MCF2L: variants seen among roughly 807,000 people sequenced by gnomAD.
MCF2L encodes the protein guanine nucleotide exchange factor DBS.
A neutral mutation model predicts 153.4 loss-of-function variants in MCF2L; 97 were observed. That is an observed-to-expected ratio of 0.63 (90% CI 0.54 to 0.75). The LOEUF (loss-of-function observed/expected upper bound fraction) is 0.75, where lower values mean the gene tolerates loss of function less well. Ranked by LOEUF, MCF2L falls within the 30% of genes least tolerant of loss-of-function variation. The pLI, the probability that MCF2L is intolerant of heterozygous loss-of-function variation, is 0.00. For missense variants in MCF2L, 1,347 were observed against 1,495.2 expected, an observed-to-expected ratio of 0.90 and a Z score of 1.64; for synonymous variants, 659 against 632.2, an observed-to-expected ratio of 1.04 and a Z score of -0.64.
intron 1 of MCF2L, chr13:112,979,573 G>T (rs572057884): frequency 1.5e-5 from 23 of 1,580,908 alleles, no homozygotes; most frequent in Admixed American, 3.6e-5. Flanking sequence ...AGACCCGAAG[G>T]CTGTGGCTCT....
chr13:113,029,093 C>T (rs1423610312), intron 3 of MCF2L, among the ~76,000 whole-genome samples: 1 of 152,138 alleles, frequency 6.6e-6, no homozygotes, highest in Non-Finnish European at 1.5e-5. Flanking sequence ...CCCTTTCTAT[C>T]TGGAAATAAA....
intron 4 of MCF2L, among the ~76,000 whole-genome samples, chr13:113,050,452 C>T (rs2087163250): frequency 6.6e-6 from 1 of 151,444 alleles, no homozygotes; most frequent in Non-Finnish European, 1.5e-5. Flanking sequence ...TGCATGGGGC[C>T]ACAACTCTCT....
At chr13:113,095,807 T>TC in intron 27 of MCF2L, 1 of 998,452 alleles carries the variant, frequency 1.0e-6, no homozygotes, top group Non-Finnish European at 1.2e-6. Flanking sequence ...GGGTCCCCAT[T>TC]CCCCAACGGA....
intron 3 of MCF2L, chr13:113,026,870 G>A (rs376704623): frequency 1.1e-5 from 8 of 738,566 alleles, no homozygotes; most frequent in South Asian, 2.9e-5. Flanking sequence ...TCTCCCCAGC[G>A]GCGGGCAGGA....
In MCF2L at chr13:113,031,396, G is replaced by A. The variant is rs553389036; in HGVS notation, c.278+6638G>A. Among the ~76,000 whole-genome samples the A allele has an allele frequency of 3.3e-5, 5 of 152,314 alleles. No individual in the cohort carries two copies. The highest frequency in any genetic ancestry group is 1.9e-4 in the East Asian group (1 of 5,178). ...TTCGTCACAGAGATCCCAGGAGGGC[G>A]CCAGCGGCATCTTTGGGGGCAGCGA... is the stretch of plus-strand genomic sequence containing the variant. On this transcript the variant is annotated intron_variant, in intron 3 of 29. Transcript: ENST00000535094. This position sits in a 1 kb window ranked among gnomAD's most constrained non-coding sequence, Gnocchi z 5.5.
chr13:112,913,080 TTGTG>T (rs1226067255), intron 2 of MCF2L, among the ~76,000 whole-genome samples: 4 of 148,024 alleles, frequency 2.7e-5, no homozygotes, highest in East Asian at 2.0e-4. Context: ...GTCTGTGTGA[TTGTG>T]TGTGTGTGGT....
rs200182047 is a variant in MCF2L, at chr13:113,082,556, C to T, written c.1991+14C>T. ...CTTCCACAACAGGTGGGCCCTTCCC[C>T]CCGACACAGGCACGCACCCGTGATC... On this transcript the variant is annotated intron_variant, in intron 17 of 29. Transcript: ENST00000535094. 6.4e-7 allele frequency: 1 copy of T among 1,550,620 alleles called. No individual in the cohort carries two copies. The highest frequency in any genetic ancestry group is 2.3e-5 in the East Asian group (1 of 44,422).
At chr13:112,984,885 A>G (rs980038636) in intron 1 of MCF2L, among the ~76,000 whole-genome samples, 2 of 151,958 alleles carry the variant, frequency 1.3e-5, no homozygotes, top group East Asian at 1.9e-4. Flanking sequence ...CATCCCTCCA[A>G]TTGCCAGTGG....
Position 112,960,076 on chromosome 13 carries a change from C to T in MCF2L, c.170-54687C>T, listed in dbSNP as rs143485566. ...CAGGGCAGAGGCCTTCTGTCCCGGA[C>T]GCCTGCCCTCAGGGGCTGTGTCTTT... On this transcript the variant is annotated intron_variant, in intron 2 of 29. Transcript: ENST00000375608. The surrounding 1 kb of genome is among the most constrained non-coding windows in gnomAD (Gnocchi z 4.2). 1.6e-4 allele frequency among the ~76,000 whole-genome samples: 24 copies of T among 152,348 alleles called. 1 individual carries two copies. The East Asian group carries it at 2.7e-3, about 17-fold the overall frequency.
At chr13:113,009,296 G>A (rs918565484) in intron 1 of MCF2L, 3 of 152,224 alleles carry the variant, frequency 2.0e-5, no homozygotes, top group Non-Finnish European at 4.4e-5. Flanking sequence ...AATGTGTAAA[G>A]GTTAAGCTTT....
At chr13:113,023,096 CG>C (rs2084998000) in intron 2 of MCF2L, among the ~76,000 whole-genome samples, 1 of 152,184 alleles carries the variant, frequency 6.6e-6, no homozygotes, top group African/African-American at 2.4e-5. Flanking sequence ...TGCAGCATTG[CG>C]GGGACTGAGC....
Position 112,983,040 on chromosome 13 carries a change from T to A in MCF2L, c.79+13582T>A, listed in dbSNP as rs139608423. Among the ~76,000 whole-genome samples, 2 of 151,964 alleles carry A rather than the reference T, an allele frequency of 1.3e-5. 1 individual carries two copies. Among genetic ancestry groups the A allele is most frequent in the East Asian group, 3.9e-4 (2 of 5,146 alleles). On this transcript the variant is annotated intron_variant, in intron 1 of 29. Coordinates refer to ENST00000535094, the MANE Select transcript of MCF2L (RefSeq NM_001112732.3). The surrounding 1 kb of genome is among the most constrained non-coding windows in gnomAD (Gnocchi z 4.0). ...GGAGGTTGGGGAAAGCACTTCCTGATGCCTTTGGGTGTGGAAAGTGGTGGG... is the reference window on the plus strand; with the variant it reads ...GGAGGTTGGGGAAAGCACTTCCTGAAGCCTTTGGGTGTGGAAAGTGGTGGG...
intron 2 of MCF2L, among the ~76,000 whole-genome samples, chr13:112,940,030 G>A (rs1443852556): frequency 6.6e-6 from 1 of 151,900 alleles, no homozygotes; most frequent in Non-Finnish European, 1.5e-5. Context: ...TTGCAGCTGG[G>A]GGTGGTGATT....
At chr13:112,978,006 G>A (rs1379805820) in intron 1 of MCF2L, among the ~76,000 whole-genome samples, 1 of 152,184 alleles carries the variant, frequency 6.6e-6, no homozygotes, top group Non-Finnish European at 1.5e-5. Flanking sequence ...CCCAGGAGGT[G>A]GAGGTTGCAG....
In MCF2L at chr13:113,088,555, C is replaced by G. The variant is rs1217398098; in HGVS notation, c.2768-7C>G. 2 of 1,611,246 alleles carry G rather than the reference C, an allele frequency of 1.2e-6. No individual in the cohort carries two copies. Among genetic ancestry groups the G allele is most frequent in the East Asian group, 4.5e-5 (2 of 44,852 alleles). On this transcript the variant is annotated splice_polypyrimidine_tract_variant and splice_region_variant and intron_variant, in intron 24 of 29. Transcript: ENST00000535094. ...GTTCACGTGGTTTGTCTGCTCCCTC[C>G]TCGCAGAAGCCAGCCAGCACCGGGC...
At chr13:112,921,457 A>G (rs974848345) in intron 2 of MCF2L, among the ~76,000 whole-genome samples, 2 of 152,214 alleles carry the variant, frequency 1.3e-5, no homozygotes, top group Admixed American at 6.5e-5. Context: ...ATCAGAGTCT[A>G]TAGGATTTGT....
At chr13:112,961,431 G>A (rs748353147) in intron 2 of MCF2L, among the ~76,000 whole-genome samples, 7 of 152,328 alleles carry the variant, frequency 4.6e-5, no homozygotes, top group East Asian at 1.9e-4. Flanking sequence ...AGGGGTAATC[G>A]TGCAGCAGGG....
chr13:113,053,260 GC>G lies in MCF2L; in HGVS notation c.370-7328del, dbSNP rs1404329997. 6.6e-6 allele frequency among the ~76,000 whole-genome samples: 1 copy of G among 152,118 alleles called. No individual in the cohort carries two copies. The highest frequency in any genetic ancestry group is 2.4e-5 in the African/African-American group (1 of 41,420). On this transcript the variant is annotated intron_variant, in intron 4 of 29. Coordinates refer to ENST00000535094, the MANE Select transcript of MCF2L (RefSeq NM_001112732.3). This position sits in a 1 kb window ranked among gnomAD's most constrained non-coding sequence, Gnocchi z 4.4. ...AAATCCAGGTCCAGTGAAGGACGGC[GC>G]CCCCGTCAGCTGTCCACCCTTCTCA...
At chr13:112,924,622 C>T (rs572723248) in intron 2 of MCF2L, among the ~76,000 whole-genome samples, 1 of 152,166 alleles carries the variant, frequency 6.6e-6, no homozygotes, top group Non-Finnish European at 1.5e-5. Flanking sequence ...TATATGATAG[C>T]TTTAGATAGG....
Sources: gnomAD v4.1 joint callset for allele counts (sites outside exome capture counted in the v4.1 genomes callset) on GRCh38, gnomAD v4.1.1 for gene constraint, Gnocchi (gnomAD v3.1) non-coding constraint, MANE v1.5 for transcripts, NCBI Gene and HGNC (gene_info 2026-07-23, HGNC 2026-07-21) for gene names.